Variants in UBAC2 observed in about 807,000 individuals in gnomAD.
UBAC2 encodes the protein UBA domain containing 2.
Under a neutral mutation model 44.0 loss-of-function variants are expected in UBAC2, and 26 were observed. The ratio of observed to expected loss-of-function variants is 0.59; its 90% CI spans 0.43 to 0.82. UBAC2 has a LOEUF of 0.82. Ranked by LOEUF, UBAC2 falls within the 40% of genes least tolerant of loss-of-function variation. The pLI is 0.00. For missense variants in UBAC2, 329 were observed against 419.4 expected, an observed-to-expected ratio of 0.78 and a Z score of 1.88; for synonymous variants, 155 against 154.3, an observed-to-expected ratio of 1.00 and a Z score of -0.04.
intron 7 of UBAC2, among the ~76,000 whole-genome samples, chr13:99,366,298 C>T (rs2045329530): frequency 6.6e-6 from 1 of 152,140 alleles, no homozygotes; most frequent in Non-Finnish European, 1.5e-5. Context: ...GTTTTGTGTG[C>T]CGACTTGCTC....
rs189233140 is a variant in UBAC2, at chr13:99,343,795, A to G, written c.807+3230A>G. ...ACATAAGTATGATAAATCACCACGT[A>G]GAGAACTCTTTTGTTAAACCACCAC... On this transcript the variant is annotated intron_variant, in intron 7 of 8. Transcript: ENST00000403766. Among the ~76,000 whole-genome samples the G allele has an allele frequency of 3.5e-3, 534 of 152,382 alleles. 4 individuals carry two copies. Among genetic ancestry groups the G allele is most frequent in the African/African-American group, 0.012 (512 of 41,596 alleles).
Position 99,356,530 on chromosome 13 carries a change from C to T in UBAC2, c.808-11257C>T, listed in dbSNP as rs947882391. The stretch of plus-strand genomic sequence containing the variant: ...CTGTTTGAAGTATCTCATCCATCAA[C>T]ACTGGTCACTGTGAGAAACCACAAA... On this transcript the variant is annotated intron_variant, in intron 7 of 8. Coordinates refer to ENST00000403766, the MANE Select transcript of UBAC2 (RefSeq NM_001144072.2). 3.9e-5 allele frequency among the ~76,000 whole-genome samples: 6 copies of T among 152,242 alleles called. No individual in the cohort carries two copies. In the South Asian group the frequency reaches 1.2e-3, roughly 32 times the overall value.
intron 4 of UBAC2, among the ~76,000 whole-genome samples, chr13:99,281,212 C>CA (rs1233337462): frequency 0.012 from 1,710 of 146,650 alleles, 31 homozygotes; most frequent in African/African-American, 0.038. Context: ...CAAAACAAAA[C>CA]AAAAAAAAAC....
At chr13:99,210,511 C>T (rs1397821994) in intron 1 of UBAC2, among the ~76,000 whole-genome samples, 1 of 125,056 alleles carries the variant, frequency 8.0e-6, no homozygotes, top group Non-Finnish European at 1.6e-5. Context: ...GAGTTTCGCT[C>T]TTGTTGCCCA....
At chr13:99,229,595 G>A (rs1398793931) in intron 1 of UBAC2, among the ~76,000 whole-genome samples, 1 of 152,192 alleles carries the variant, frequency 6.6e-6, no homozygotes, top group African/African-American at 2.4e-5. Context: ...TTAGGAAAGA[G>A]TATATACAAA....
chr13:99,316,466 G>A (rs944359741), intron 5 of UBAC2, among the ~76,000 whole-genome samples: 3 of 152,228 alleles, frequency 2.0e-5, no homozygotes, highest in South Asian at 2.1e-4. Flanking sequence ...AATCGGAAGA[G>A]CCAAAATGCT....
At chr13:99,300,205 A>G (rs752123122) in intron 4 of UBAC2, among the ~76,000 whole-genome samples, 29 of 152,248 alleles carry the variant, frequency 1.9e-4, no homozygotes, top group Non-Finnish European at 1.9e-4. Flanking sequence ...CTCCAAGGGT[A>G]GCCTGTTGAG....
chr13:99,296,893 A>G (rs1594100070), intron 4 of UBAC2, among the ~76,000 whole-genome samples: 1 of 151,958 alleles, frequency 6.6e-6, no homozygotes, highest in African/African-American at 2.4e-5. Context: ...TCAATCTGCA[A>G]GTACTCCATG....
chr13:99,228,239 C>T (rs1027095632), intron 1 of UBAC2, among the ~76,000 whole-genome samples: 9 of 151,972 alleles, frequency 5.9e-5, no homozygotes, highest in South Asian at 2.1e-4. Flanking sequence ...GGGGGAAGCC[C>T]GGGGTGTTGT....
chr13:99,210,742 G>T (rs1394993673), intron 1 of UBAC2, among the ~76,000 whole-genome samples: 1 of 152,072 alleles, frequency 6.6e-6, no homozygotes, highest in Non-Finnish European at 1.5e-5. Context: ...CTCCTAAAGT[G>T]CTGGGATTAC....
At chr13:99,287,548 A>C (rs2044033542) in intron 4 of UBAC2, among the ~76,000 whole-genome samples, 2 of 151,732 alleles carry the variant, frequency 1.3e-5, no homozygotes, top group African/African-American at 4.9e-5. Flanking sequence ...CACCAGCCTC[A>C]GTTCTTTCTG....
intron 5 of UBAC2, among the ~76,000 whole-genome samples, chr13:99,316,139 T>A (rs553665809): frequency 1.5e-4 from 23 of 152,202 alleles, no homozygotes; most frequent in African/African-American, 5.5e-4. Flanking sequence ...TTCCGGTAAC[T>A]TTGAGAGGGA....
At chr13:99,323,871 C>A (rs746723010) in intron 6 of UBAC2, among the ~76,000 whole-genome samples, 14 of 152,126 alleles carry the variant, frequency 9.2e-5, no homozygotes, top group African/African-American at 3.4e-4. Context: ...TTTAAATGCT[C>A]AGTGCAGAAT....
chr13:99,284,483 G>A (rs984866042), intron 4 of UBAC2, among the ~76,000 whole-genome samples: 15 of 152,110 alleles, frequency 9.9e-5, no homozygotes, highest in Non-Finnish European at 1.8e-4. Context: ...AGATGCCCCC[G>A]TTATTAACAT....
chr13:99,366,611 A>G (rs949924733), intron 7 of UBAC2, among the ~76,000 whole-genome samples: 1 of 135,338 alleles, frequency 7.4e-6, no homozygotes, highest in African/African-American at 2.6e-5. Context: ...CCGGGGGAAG[A>G]CAGGCTTTTT....
intron 1 of UBAC2, chr13:99,215,533 C>G: frequency 6.8e-7 from 1 of 1,472,232 alleles, no homozygotes. Context: ...ACCTTTAAGT[C>G]TTTTGATGCA....
At chr13:99,371,104 T>G (rs1043882841) in intron 8 of UBAC2, among the ~76,000 whole-genome samples, 3 of 151,536 alleles carry the variant, frequency 2.0e-5, no homozygotes. Context: ...AAAAAAAAAG[T>G]GTCAAAAAGG....
At chr13:99,361,442 G>C (rs2045263494) in intron 7 of UBAC2, among the ~76,000 whole-genome samples, 1 of 152,168 alleles carries the variant, frequency 6.6e-6, no homozygotes, top group South Asian at 2.1e-4. Context: ...AGGGATTGGG[G>C]TTTTGTTTGC....
chr13:99,353,948 G>T (rs1259211106), intron 7 of UBAC2, among the ~76,000 whole-genome samples: 1 of 152,242 alleles, frequency 6.6e-6, no homozygotes, highest in Non-Finnish European at 1.5e-5. Context: ...TTTCAGAGTC[G>T]TGAGTCACGA....
Sources: allele counts gnomAD v4.1 joint callset (sites outside exome capture counted in the v4.1 genomes callset), GRCh38; gene constraint gnomAD v4.1.1; transcripts MANE v1.5; gene names NCBI Gene and HGNC (gene_info 2026-07-23, HGNC 2026-07-21).